Variants in PRICKLE2 observed in about 807,000 individuals in gnomAD.
The protein encoded by PRICKLE2 is prickle-like protein 2.
A neutral mutation model predicts 81.4 loss-of-function variants in PRICKLE2; 21 were observed. That is an observed-to-expected ratio of 0.26 (90% CI 0.18 to 0.37). The LOEUF (loss-of-function observed/expected upper bound fraction) is 0.37. Ranked by LOEUF, PRICKLE2 falls within the 10% of genes least tolerant of loss-of-function variation. PRICKLE2 has a pLI of 1.00. For missense variants in PRICKLE2, 940 were observed against 1,109.0 expected (o/e 0.85, Z 2.16); for synonymous variants, 456 against 421.5 (o/e 1.08, Z -1.00).
chr3:64,163,046 T>C lies in PRICKLE2; in HGVS notation c.228A>G (p.Leu76=), dbSNP rs1192528160. ...TGTCATGTGGCGGCAGCTGGTGTAGTAGCTGCTTGATTCGCAGTTTCTCTC... is the reference window on the plus strand; with the variant it reads ...TGTCATGTGGCGGCAGCTGGTGTAGCAGCTGCTTGATTCGCAGTTTCTCTC... ...SPGEKLRIKQ[L]LHQLPPHDNE... The change falls in exon 3 of 8, where the codon CTA becomes CTG. Residue 76 remains leucine (L), a synonymous_variant. Transcript: ENST00000638394. 4.3e-6 allele frequency: 7 copies of C among 1,613,650 alleles called. 1 individual carries two copies. Among genetic ancestry groups the C allele is most frequent in the Middle Eastern group, 3.3e-4 (2 of 6,084 alleles).
In PRICKLE2 at chr3:64,204,562, G is replaced by GAAC. The variant is rs79433924; in HGVS notation, c.-40-5598_-40-5596dup. Among the ~76,000 whole-genome samples, 823 of 150,534 alleles carry GAAC rather than the reference G, an allele frequency of 5.5e-3. 12 individuals carry two copies. Among genetic ancestry groups the GAAC allele is most frequent in the African/African-American group, 0.018 (746 of 40,906 alleles). The stretch of plus-strand genomic sequence containing the variant: ...AACCACAGAATACCCTTTTACTTCT[G>GAAC]AACAACAACAACAACAACAACAAAA... On this transcript the variant is annotated intron_variant, in intron 1 of 7. Transcript: ENST00000638394.
intron 7 of PRICKLE2, among the ~76,000 whole-genome samples, chr3:64,139,230 G>C (rs2077322991): frequency 6.6e-6 from 1 of 152,208 alleles, no homozygotes; most frequent in Non-Finnish European, 1.5e-5. Context: ...GATCAAAGAA[G>C]GTAGGAAGCC....
At chr3:64,256,770 T>A (rs1444929507) in intron 2 of PRICKLE2, among the ~76,000 whole-genome samples, 2 of 152,174 alleles carry the variant, frequency 1.3e-5, no homozygotes, top group Non-Finnish European at 1.5e-5. Context: ...TCCTACTTCT[T>A]GGTCATCAGG....
intron 2 of PRICKLE2, chr3:64,187,457 G>A (rs1306201472): frequency 6.6e-6 from 1 of 152,258 alleles, no homozygotes; most frequent in Admixed American, 6.5e-5. Context: ...GTGAGTGACA[G>A]TGAAGGCTAA....
rs1575595856 is a variant in PRICKLE2 at position 64,153,109 on chromosome 3, T to C, written c.787+73A>G. On this transcript the variant is annotated intron_variant, in intron 6 of 7. Coordinates refer to ENST00000638394, the MANE Select transcript of PRICKLE2 (RefSeq NM_198859.4). ...GGTTTCTAACACTTGCAATCAAAGA[T>C]ACTTTAACTACACCCAAAACAAAGG... 5 of 1,369,812 alleles carry C rather than the reference T, an allele frequency of 3.7e-6. No homozygotes were observed. In the Admixed American group the frequency reaches 6.7e-5, roughly 18 times the overall value. The allele number at this position is 1,369,812 out of a possible 1,614,324, so 84.9% of individuals were successfully genotyped here.
chr3:64,246,565 G>A (rs2079358056), intron 2 of PRICKLE2, among the ~76,000 whole-genome samples: 1 of 152,146 alleles, frequency 6.6e-6, no homozygotes, highest in South Asian at 2.1e-4. Context: ...GAATCATCTG[G>A]AAGGCTTGTT....
At chr3:64,153,608 T>G (rs191011785) in intron 5 of PRICKLE2, 2 of 512,846 alleles carry the variant, frequency 3.9e-6, no homozygotes, top group African/African-American at 1.9e-5. Flanking sequence ...CTTAACCACA[T>G]TTAATAAGAG....
chr3:64,249,444 A>C (rs112362252), intron 2 of PRICKLE2, among the ~76,000 whole-genome samples: 1 of 152,164 alleles, frequency 6.6e-6, no homozygotes, highest in Admixed American at 6.5e-5. Context: ...TCACAATCCA[A>C]TGTGGGTGAT....
intron 2 of PRICKLE2, among the ~76,000 whole-genome samples, chr3:64,186,080 T>A (rs1408426345): frequency 6.6e-6 from 1 of 152,206 alleles, no homozygotes; most frequent in Admixed American, 6.5e-5. Context: ...ATTCTCAGAC[T>A]CTGATTCACT....
chr3:64,145,291 T>G (rs1262133912), intron 7 of PRICKLE2: 1 of 146,442 alleles, frequency 6.8e-6, no homozygotes, highest in African/African-American at 2.5e-5. Flanking sequence ...TATAATATAT[T>G]TGTATATATT....
At chr3:64,128,385 A>G (rs1481231465) in intron 7 of PRICKLE2, among the ~76,000 whole-genome samples, 1 of 152,176 alleles carries the variant, frequency 6.6e-6, no homozygotes, top group Non-Finnish European at 1.5e-5. Flanking sequence ...CAAAGTGGGG[A>G]GTGGAATGGC....
At chr3:64,267,202 A>G (rs1469338949) in intron 2 of PRICKLE2, among the ~76,000 whole-genome samples, 1 of 152,140 alleles carries the variant, frequency 6.6e-6, no homozygotes, top group African/African-American at 2.4e-5. Context: ...GCAACTTGGA[A>G]AGTAAGAATT....
At chr3:64,234,251 A>G (rs2079148488) in intron 2 of PRICKLE2, among the ~76,000 whole-genome samples, 1 of 152,158 alleles carries the variant, frequency 6.6e-6, no homozygotes, top group Non-Finnish European at 1.5e-5. Context: ...GCAGTTTTTC[A>G]AAGTGCTCCT....
At chr3:64,239,422 A>T (rs748336951) in intron 2 of PRICKLE2, among the ~76,000 whole-genome samples, 2 of 152,202 alleles carry the variant, frequency 1.3e-5, no homozygotes, top group Non-Finnish European at 2.9e-5. Flanking sequence ...AGTTACAGTC[A>T]GCCAGTGGCC....
At chr3:64,179,806 A>G (rs918751267) in intron 2 of PRICKLE2, among the ~76,000 whole-genome samples, 4 of 152,202 alleles carry the variant, frequency 2.6e-5, no homozygotes, top group African/African-American at 9.6e-5. Flanking sequence ...CAACAAAATT[A>G]TAAACCATTT....
intron 7 of PRICKLE2, among the ~76,000 whole-genome samples, chr3:64,113,010 A>G (rs1221503598): frequency 6.6e-6 from 1 of 152,124 alleles, no homozygotes; most frequent in Admixed American, 6.5e-5. Flanking sequence ...CTGCAGCAGG[A>G]CTCACTTTTG....
At chr3:64,239,278 T>A (rs1016762274) in intron 2 of PRICKLE2, among the ~76,000 whole-genome samples, 1 of 152,014 alleles carries the variant, frequency 6.6e-6, no homozygotes, top group Non-Finnish European at 1.5e-5. Context: ...TCTGCTCAAC[T>A]CATCACAGCT....
intron 7 of PRICKLE2, among the ~76,000 whole-genome samples, chr3:64,113,595 C>T (rs1470000291): frequency 6.6e-6 from 1 of 152,160 alleles, no homozygotes; most frequent in Non-Finnish European, 1.5e-5. Context: ...CACATGTCTG[C>T]ACAGATAGGT....
chr3:64,146,177 G>C (rs697272), intron 7 of PRICKLE2: 22,595 of 153,736 alleles, frequency 0.15, 1,829 homozygotes, highest in Admixed American at 0.22. Flanking sequence ...TGATTCTATA[G>C]TGCAACTCAT....
Sources: gnomAD v4.1 joint callset for allele counts (sites outside exome capture counted in the v4.1 genomes callset) on GRCh38, gnomAD v4.1.1 for gene constraint, MANE v1.5 for transcripts, NCBI Gene and HGNC (gene_info 2026-07-23, HGNC 2026-07-21) for gene names.